Variants in TENM2 observed in about 807,000 individuals in gnomAD.
The protein encoded by TENM2 is teneurin-2.
A neutral mutation model predicts 245.2 loss-of-function variants in TENM2; 52 were observed. That is an observed-to-expected ratio of 0.21 (90% confidence interval 0.17 to 0.27). The LOEUF is 0.27. Ranked by LOEUF, TENM2 falls within the 10% of genes least tolerant of loss-of-function variation. The pLI, the probability that TENM2 is intolerant of heterozygous loss-of-function variation, is 1.00. For missense variants in TENM2, 3,046 were observed against 3,666.8 expected (o/e 0.83, Z 4.37); for synonymous variants, 1,363 against 1,438.9 (o/e 0.95, Z 1.19).
At chr5:167,205,524 T>G in the TENM2 span, among the ~76,000 whole-genome samples, 4 of 152,228 alleles carry the variant, frequency 2.6e-5, no homozygotes, top group African/African-American at 9.6e-5. Flanking sequence ...GTATATATAC[T>G]CTTCATTTGA....
chr5:168,073,246 A>G (rs1791178978), intron 7 of TENM2, among the ~76,000 whole-genome samples: 1 of 152,106 alleles, frequency 6.6e-6, no homozygotes, highest in African/African-American at 2.4e-5. Flanking sequence ...TTATTACTAG[A>G]GGGTTGGATA....
At chr5:167,353,091 G>A (rs554711460) in intron 1 of TENM2, among the ~76,000 whole-genome samples, 2 of 152,226 alleles carry the variant, frequency 1.3e-5, no homozygotes, top group South Asian at 2.1e-4. Flanking sequence ...CAGCCAATGC[G>A]CAGAAACATG....
intron 7 of TENM2, among the ~76,000 whole-genome samples, chr5:168,084,997 G>A (rs17069810): frequency 0.23 from 35,220 of 152,094 alleles, 4,378 homozygotes; most frequent in East Asian, 0.47. Context: ...TCTTGGAAAA[G>A]ATGGATGTGT....
intron 3 of TENM2, among the ~76,000 whole-genome samples, chr5:167,899,753 A>G (rs1775534275): frequency 6.6e-6 from 1 of 152,182 alleles, no homozygotes; most frequent in African/African-American, 2.4e-5. Context: ...GTTGTTCCAG[A>G]CAGAGTTCTA....
chr5:168,010,885 G>A (rs753469369), intron 5 of TENM2, among the ~76,000 whole-genome samples: 15 of 152,336 alleles, frequency 9.8e-5, no homozygotes, highest in Non-Finnish European at 1.5e-4. Context: ...ATGGAATGAG[G>A]CTCCTTCTCA....
At position 168,218,399 on chromosome 5, in the gene TENM2, A is replaced by G. The variant is rs769161416; in HGVS notation, c.4508A>G (p.Gln1503Arg). 1 of 1,614,062 alleles carries G rather than the reference A, an allele frequency of 6.2e-7. No homozygotes were observed. Among genetic ancestry groups the G allele is most frequent in the Admixed American group, 1.7e-5 (1 of 60,034 alleles). ...GAGAAGAAGATTAACCGTCTACGCC[A>G]GGTAACAACCAACGGGGAGATCTGC... Residue 1503 changes from glutamine to arginine, a missense_variant, in exon 23 of 29, where the codon CAG becomes CGG. Physicochemically the swap from Gln to Arg is conservative, Grantham distance 43. Coordinates refer to ENST00000518659, the Ensembl canonical transcript of TENM2. The surrounding 1 kb of genome is among the most constrained non-coding windows in gnomAD (Gnocchi z 5.2).
chr5:167,445,359 A>T lies in TENM2; in HGVS notation c.502+69886A>T, dbSNP rs184382016. Reference sequence around the variant, plus strand: ...TATAGAGAGAGAGAGAGAGAGAGAGAGAGAGAGAGAGTGTCAGGTGTTGTC... The same window carrying T: ...TATAGAGAGAGAGAGAGAGAGAGAGTGAGAGAGAGAGTGTCAGGTGTTGTC... On this transcript the variant is annotated intron_variant, in intron 2 of 28. Coordinates refer to ENST00000518659, the Ensembl canonical transcript of TENM2. Among the ~76,000 whole-genome samples, 43 of 138,118 alleles carry T rather than the reference A, an allele frequency of 3.1e-4. No individual in the cohort carries two copies. In the Middle Eastern group the frequency reaches 0.011, roughly 37 times the overall value. 90.6% of individuals were successfully genotyped at this position (138,118 alleles called of 152,430 possible). A position where few individuals can be genotyped will look rare whatever the true frequency, so the allele number is the denominator to read the frequency against.
the TENM2 span, among the ~76,000 whole-genome samples, chr5:167,045,378 C>T: frequency 3.9e-5 from 6 of 152,102 alleles, no homozygotes; most frequent in Non-Finnish European, 8.8e-5. Context: ...CCATTTAGTA[C>T]CTAGTACATT....
intron 2 of TENM2, among the ~76,000 whole-genome samples, chr5:167,806,790 A>T (rs1766210284): frequency 6.6e-6 from 1 of 152,060 alleles, no homozygotes. Context: ...TATTAAAATG[A>T]GTCAATAGAA....
intron 2 of TENM2, among the ~76,000 whole-genome samples, chr5:167,519,418 G>A (rs1418724253): frequency 6.6e-6 from 1 of 151,896 alleles, no homozygotes; most frequent in Non-Finnish European, 1.5e-5. Flanking sequence ...GAATATTAAG[G>A]GTACTAAACA....
At chr5:168,148,822 G>T (rs990554388) in intron 12 of TENM2, among the ~76,000 whole-genome samples, 1 of 151,972 alleles carries the variant, frequency 6.6e-6, no homozygotes, top group South Asian at 2.1e-4. Flanking sequence ...GATTTAGACA[G>T]ATTTTTGGTA....
chr5:167,449,158 T>A (rs1338333437), intron 2 of TENM2, among the ~76,000 whole-genome samples: 1 of 152,210 alleles, frequency 6.6e-6, no homozygotes, highest in East Asian at 1.9e-4. Context: ...TAGGCAAGTG[T>A]GATATTTCCT....
chr5:167,425,960 A>G (rs1763791174), intron 2 of TENM2, among the ~76,000 whole-genome samples: 1 of 152,180 alleles, frequency 6.6e-6, no homozygotes, highest in Admixed American at 6.5e-5. Context: ...ATTAGGGTCA[A>G]TTGAAGGAAC....
intron 4 of TENM2, among the ~76,000 whole-genome samples, chr5:167,968,907 T>C (rs749140222): frequency 2.6e-5 from 4 of 152,188 alleles, no homozygotes; most frequent in Admixed American, 6.5e-5. Flanking sequence ...GCTATGCACA[T>C]GTGCATTTTC....
At chr5:167,771,126 A>G (rs1417887051) in intron 2 of TENM2, among the ~76,000 whole-genome samples, 1 of 152,130 alleles carries the variant, frequency 6.6e-6, no homozygotes, top group Non-Finnish European at 1.5e-5. Flanking sequence ...AGGCTACTTC[A>G]ATCGGTCACT....
chr5:167,916,406 C>A (rs76869351), intron 3 of TENM2, among the ~76,000 whole-genome samples: 1 of 151,896 alleles, frequency 6.6e-6, no homozygotes, highest in Non-Finnish European at 1.5e-5. Flanking sequence ...TAAATCAGAT[C>A]GGTGAGAAGC....
the TENM2 span, among the ~76,000 whole-genome samples, chr5:167,051,618 G>T: frequency 6.6e-6 from 1 of 152,150 alleles, no homozygotes; most frequent in South Asian, 2.1e-4. Flanking sequence ...GGAGGCGAGA[G>T]AAACTTTCGC....
intron 2 of TENM2, among the ~76,000 whole-genome samples, chr5:167,454,961 G>A (rs977129942): frequency 6.6e-6 from 1 of 152,168 alleles, no homozygotes; most frequent in African/African-American, 2.4e-5. Context: ...GCTGTTACCA[G>A]AAATAAGGGA....
chr5:168,044,879 A>G (rs60572841), intron 5 of TENM2, among the ~76,000 whole-genome samples: 26,226 of 151,782 alleles, frequency 0.17, 2,919 homozygotes, highest in African/African-American at 0.29. Context: ...CCCACCGGCC[A>G]GAGAGAGCAT....
Sources: allele counts gnomAD v4.1 joint callset (sites outside exome capture counted in the v4.1 genomes callset), GRCh38; gene constraint gnomAD v4.1.1; non-coding constraint Gnocchi (gnomAD v3.1); transcripts MANE v1.5; gene names NCBI Gene and HGNC (gene_info 2026-07-23, HGNC 2026-07-21).